The following ITGA4 variants were observed in gnomAD, a reference collection of about 807,000 sequenced individuals.
ITGA4 encodes the protein integrin alpha-4.
ITGA4 carries 63 observed loss-of-function variants against 133.6 expected under a neutral mutation model. That is an observed-to-expected ratio of 0.47 (90% CI 0.38 to 0.58). The LOEUF (loss-of-function observed/expected upper bound fraction) is 0.58. Ranked by LOEUF, ITGA4 falls within the 20% of genes least tolerant of loss-of-function variation. ITGA4 has a pLI of 0.00. For missense variants in ITGA4, 1,076 were observed against 1,252.7 expected (o/e 0.86, Z 2.13); for synonymous variants, 483 against 438.0 (o/e 1.10, Z -1.28).
intron 2 of ITGA4, among the ~76,000 whole-genome samples, chr2:181,464,504 G>A (rs138206385): frequency 5.3e-5 from 8 of 152,224 alleles, no homozygotes; most frequent in African/African-American, 1.4e-4. Context: ...TTAATTATGA[G>A]ATAATGTAAT....
Position 181,516,901 on chromosome 2 carries a change from T to TA in ITGA4, c.1922+5126_1922+5127insA, listed in dbSNP as rs1686618117. 6.6e-6 allele frequency among the ~76,000 whole-genome samples: 1 copy of TA among 152,024 alleles called. No individual in the cohort carries two copies. Among genetic ancestry groups the TA allele is most frequent in the Admixed American group, 6.6e-5 (1 of 15,238 alleles). ...TTAAAATGGAAATAGTACGAATATT[T>TA]GGCTCACTGACAGCATAAAGTTTTG... On this transcript the variant is annotated intron_variant, in intron 17 of 27. Coordinates refer to ENST00000397033, the MANE Select transcript of ITGA4 (RefSeq NM_000885.6). This position sits in a 1 kb window ranked among gnomAD's most constrained non-coding sequence, Gnocchi z 4.0.
At position 181,475,148 on chromosome 2, in the gene ITGA4, A is replaced by G. The variant is rs1685646028; in HGVS notation, c.427-11A>G. 6.2e-7 allele frequency: 1 copy of G among 1,613,354 alleles called. No homozygotes were observed. Among genetic ancestry groups the G allele is most frequent in the African/African-American group, 1.3e-5 (1 of 74,816 alleles). The stretch of plus-strand genomic sequence containing the variant: ...CTTTCACATCATTTGGTCTACTTTT[A>G]TTTTATTCAGACTTGTGGGCATAGA... On this transcript the variant is annotated splice_polypyrimidine_tract_variant and intron_variant, in intron 3 of 27. Transcript: ENST00000397033.
chr2:181,458,102 G>T (rs1685174267), intron 1 of ITGA4, 94 bp from the exon 2 acceptor site: 2 of 1,545,026 alleles, frequency 1.3e-6, no homozygotes, highest in Non-Finnish European at 1.8e-6. Flanking sequence ...AGGTGGGGAA[G>T]CTGCCCTGCT....
At chr2:181,534,770 AT>A (rs5836796) in intron 26 of ITGA4, 45 bp from the exon 27 acceptor site, 4,175 of 1,285,972 alleles carry the variant, frequency 3.2e-3, no homozygotes, top group Non-Finnish European at 3.7e-3. Context: ...TTTTAAACTG[AT>A]TTTTTTTTTT....
chr2:181,461,273 C>A (rs1258278213), intron 2 of ITGA4, among the ~76,000 whole-genome samples: 2 of 149,952 alleles, frequency 1.3e-5, no homozygotes, highest in East Asian at 3.9e-4. Flanking sequence ...ACTGCAGAGC[C>A]AGCACCAAGA....
intron 2 of ITGA4, among the ~76,000 whole-genome samples, chr2:181,469,907 GC>G (rs1685505169): frequency 6.6e-6 from 1 of 151,610 alleles, no homozygotes; most frequent in Admixed American, 6.6e-5. Context: ...ACACACCGGG[GC>G]CTGTCGTGGG....
intron 10 of ITGA4, among the ~76,000 whole-genome samples, chr2:181,490,812 A>G (rs923224730): frequency 5.3e-5 from 8 of 152,222 alleles, no homozygotes; most frequent in African/African-American, 1.2e-4. Flanking sequence ...CACAAAGTCC[A>G]TATCACAGTG....
chr2:181,470,989 T>C (rs753257783), intron 2 of ITGA4, among the ~76,000 whole-genome samples: 1 of 151,272 alleles, frequency 6.6e-6, no homozygotes, highest in Non-Finnish European at 1.5e-5. Context: ...ACTTGAAAGT[T>C]ACCTCAATAT....
chr2:181,538,384 T>C lies in ITGA4; in HGVS notation c.*2857T>C, dbSNP rs1016160113. On this transcript the variant is annotated 3_prime_UTR_variant, in exon 28 of 28. Coordinates refer to ENST00000397033, the MANE Select transcript of ITGA4 (RefSeq NM_000885.6). ...CCAACAGAGCTGTAATCTAGAAAAC[T>C]GAGAAGGTCTGATTGATAAATCATC... 3 of 613,926 alleles carry C rather than the reference T, an allele frequency of 4.9e-6. No individual in the cohort carries two copies. The African/African-American group carries it at 5.6e-5, about 11-fold the overall frequency. 38.0% of individuals were successfully genotyped at this position (613,926 alleles called of 1,614,324 possible).
At chr2:181,522,852 TG>T (rs1686748454) in intron 18 of ITGA4, among the ~76,000 whole-genome samples, 1 of 152,196 alleles carries the variant, frequency 6.6e-6, no homozygotes, top group African/African-American at 2.4e-5. Context: ...TTGCGCTACT[TG>T]CAAAAGTAAC....
chr2:181,461,462 G>A (rs1685276030), intron 2 of ITGA4, among the ~76,000 whole-genome samples: 1 of 151,674 alleles, frequency 6.6e-6, no homozygotes, highest in South Asian at 2.1e-4. Flanking sequence ...TATATCTGAG[G>A]AGACCCAGGT....
In ITGA4 at chr2:181,495,353, T is replaced by C; in HGVS notation, c.1340-18T>C. 2 of 1,596,512 alleles carry C rather than the reference T, an allele frequency of 1.3e-6. No individual in the cohort carries two copies. The highest frequency in any genetic ancestry group is 2.2e-5 in the East Asian group (1 of 44,738). On this transcript the variant is annotated intron_variant, in intron 12 of 27. Coordinates refer to ENST00000397033, the MANE Select transcript of ITGA4 (RefSeq NM_000885.6). The surrounding 1 kb of genome is among the most constrained non-coding windows in gnomAD (Gnocchi z 4.3). Reference sequence around the variant, plus strand: ...GACTAATGATGATCATTAATCTGTGTTGTTTTTTATCCTCCAGATGTAGCA... The same window carrying C: ...GACTAATGATGATCATTAATCTGTGCTGTTTTTTATCCTCCAGATGTAGCA...
chr2:181,487,773 C>T (rs1453695361), intron 10 of ITGA4, among the ~76,000 whole-genome samples: 2 of 152,036 alleles, frequency 1.3e-5, no homozygotes, highest in East Asian at 3.9e-4. Flanking sequence ...AATAGTGGCA[C>T]CCTTTTTTAT....
At position 181,523,116 on chromosome 2, in the gene ITGA4, T is replaced by A. The variant is rs998638322; in HGVS notation, c.2074-321T>A. ...TAAATGAAAGCTACAAGTCCAGAAT[T>A]TTTTTTTTGTGGAGAATCTGTTTGA... On this transcript the variant is annotated intron_variant, in intron 18 of 27. Transcript: ENST00000397033. The surrounding 1 kb of genome is among the most constrained non-coding windows in gnomAD (Gnocchi z 4.2). Among the ~76,000 whole-genome samples, 1 of 150,090 alleles carries A rather than the reference T, an allele frequency of 6.7e-6. No homozygotes were observed. The highest frequency in any genetic ancestry group is 1.5e-5 in the Non-Finnish European group (1 of 66,974).
At position 181,495,353 on chromosome 2, in the gene ITGA4, T is replaced by G. The variant is rs1559047016; in HGVS notation, c.1340-18T>G. Reference sequence around the variant, plus strand: ...GACTAATGATGATCATTAATCTGTGTTGTTTTTTATCCTCCAGATGTAGCA... The same window carrying G: ...GACTAATGATGATCATTAATCTGTGGTGTTTTTTATCCTCCAGATGTAGCA... On this transcript the variant is annotated intron_variant, in intron 12 of 27. Coordinates refer to ENST00000397033, the MANE Select transcript of ITGA4 (RefSeq NM_000885.6). This position sits in a 1 kb window ranked among gnomAD's most constrained non-coding sequence, Gnocchi z 4.3. 1.9e-6 allele frequency: 3 copies of G among 1,596,630 alleles called. No homozygotes were observed. Among genetic ancestry groups the G allele is most frequent in the East Asian group, 2.2e-5 (1 of 44,726 alleles).
At chr2:181,459,419 A>G (rs1363374632) in intron 2 of ITGA4, 1 of 151,508 alleles carries the variant, frequency 6.6e-6, no homozygotes, top group African/African-American at 2.4e-5. Context: ...TTTTGAGATT[A>G]GTTATTGGAT....
At chr2:181,532,188 G>C (rs114942825) in intron 25 of ITGA4, among the ~76,000 whole-genome samples, 2,817 of 152,282 alleles carry the variant, frequency 0.018, 73 homozygotes, top group African/African-American at 0.064. Context: ...AAGTCGGGTA[G>C]CCTGATGCCT....
chr2:181,476,022 T>G (rs1685668200), intron 4 of ITGA4: 1 of 991,740 alleles, frequency 1.0e-6, no homozygotes. Flanking sequence ...AAAGAAAAAT[T>G]TTATTGGTTG....
chr2:181,480,220 G>T lies in ITGA4; in HGVS notation c.708G>T (p.Lys236Asn), dbSNP rs759443207. Residue 236 changes from lysine to asparagine, a missense_variant, in exon 6 of 28, where the codon AAG becomes AAT. Lys to Asn is a moderately conservative substitution (Grantham distance 94). Transcript: ENST00000397033. ...ACAATATAACTACAAATAAATACAA[G>T]GCTTTTTTAGACAAACAAAATCAAG... The part of the protein sequence containing the change: ...FVYNITTNKY[K>N]AFLDKQNQVK... 1 of 1,505,778 alleles carries T rather than the reference G, an allele frequency of 6.6e-7. No homozygotes were observed. Among genetic ancestry groups the T allele is most frequent in the Non-Finnish European group, 8.9e-7 (1 of 1,120,900 alleles). The allele number at this position is 1,505,778 out of a possible 1,614,324, so 93.3% of individuals were successfully genotyped here.
Sources: allele counts gnomAD v4.1 joint callset (sites outside exome capture counted in the v4.1 genomes callset), GRCh38; gene constraint gnomAD v4.1.1; non-coding constraint Gnocchi (gnomAD v3.1); transcripts MANE v1.5; gene names NCBI Gene and HGNC (gene_info 2026-07-23, HGNC 2026-07-21).